The following THSD4 variants were observed in gnomAD, a reference collection of about 807,000 sequenced individuals.
THSD4 encodes the protein thrombospondin type 1 domain containing 4, also known as thrombospondin type-1 domain-containing protein 4.
THSD4 carries 69 observed loss-of-function variants against 119.0 expected under a neutral mutation model. The ratio of observed to expected loss-of-function variants is 0.58; its 90% CI spans 0.48 to 0.71. THSD4 has a LOEUF of 0.71. Among genes scored for constraint, THSD4 ranks in the 30% least tolerant of loss-of-function variants. The pLI is 0.00. For synonymous variants in THSD4, 524 were observed against 540.4 expected (o/e 0.97, Z 0.42); for missense variants, 1,393 against 1,391.1 (o/e 1.00, Z -0.02).
chr15:71,675,804 G>A (rs1213711679), intron 8 of THSD4, among the ~76,000 whole-genome samples: 2 of 152,172 alleles, frequency 1.3e-5, no homozygotes, highest in Non-Finnish European at 2.9e-5. Flanking sequence ...CCTCACTTAT[G>A]ACCTTCCCTG....
chr15:71,476,189 G>A (rs2140653111), intron 7 of THSD4, among the ~76,000 whole-genome samples: 1 of 152,328 alleles, frequency 6.6e-6, no homozygotes, highest in Middle Eastern at 3.4e-3. Context: ...ATAATTGTTT[G>A]CCCCATCTCC....
intron 6 of THSD4, among the ~76,000 whole-genome samples, chr15:71,305,551 C>T (rs760732317): frequency 1.3e-5 from 2 of 152,192 alleles, no homozygotes; most frequent in Non-Finnish European, 2.9e-5. Context: ...TTATGACCTT[C>T]AACGGTATTC....
intron 3 of THSD4, among the ~76,000 whole-genome samples, chr15:71,197,230 C>A (rs1031486577): frequency 6.6e-6 from 1 of 152,206 alleles, no homozygotes; most frequent in Non-Finnish European, 1.5e-5. Flanking sequence ...ACACTCAGCA[C>A]AGTACCTAGA....
intron 6 of THSD4, among the ~76,000 whole-genome samples, chr15:71,386,859 C>G (rs1185295310): frequency 6.6e-6 from 1 of 152,132 alleles, no homozygotes. Flanking sequence ...CCAGTTGTTT[C>G]CTTGTTTTAG....
chr15:71,482,376 C>T lies in THSD4; in HGVS notation c.1152+70553C>T, dbSNP rs534912859. On this transcript the variant is annotated intron_variant, in intron 7 of 17. Coordinates refer to ENST00000261862, the MANE Select transcript of THSD4 (RefSeq NM_024817.3). Reference sequence around the variant, plus strand: ...CACGATCTCGGCTCACTGCAAGCTCCGCCTCCTGGGTTCACGCCATTCTCC... The same window carrying T: ...CACGATCTCGGCTCACTGCAAGCTCTGCCTCCTGGGTTCACGCCATTCTCC... Among the ~76,000 whole-genome samples the T allele has an allele frequency of 3.5e-4, 53 of 151,020 alleles. No homozygotes were observed. In the South Asian group the frequency reaches 3.6e-3, roughly 10 times the overall value.
At chr15:71,391,417 A>G (rs1373581888) in intron 6 of THSD4, among the ~76,000 whole-genome samples, 1 of 152,122 alleles carries the variant, frequency 6.6e-6, no homozygotes, top group African/African-American at 2.4e-5. Flanking sequence ...GCCTCAAGCG[A>G]TCCTCCTGCA....
intron 6 of THSD4, among the ~76,000 whole-genome samples, chr15:71,337,691 C>T (rs2045506187): frequency 6.6e-6 from 1 of 150,686 alleles, no homozygotes; most frequent in Non-Finnish European, 1.5e-5. Flanking sequence ...GCCCCTCAGC[C>T]AGGCTGGAAG....
intron 6 of THSD4, among the ~76,000 whole-genome samples, chr15:71,354,336 C>T (rs1365732840): frequency 6.6e-6 from 1 of 152,020 alleles, no homozygotes; most frequent in African/African-American, 2.4e-5. Context: ...AGGGGAGAGG[C>T]CAGGGAGCTC....
At chr15:71,642,683 A>G (rs2050885135) in intron 7 of THSD4, among the ~76,000 whole-genome samples, 1 of 152,162 alleles carries the variant, frequency 6.6e-6, no homozygotes, top group African/African-American at 2.4e-5. Flanking sequence ...CATCATTCTC[A>G]GTAAACTATC....
At chr15:71,633,276 T>C (rs1001408938) in intron 7 of THSD4, among the ~76,000 whole-genome samples, 4 of 141,270 alleles carry the variant, frequency 2.8e-5, no homozygotes, top group Admixed American at 7.1e-5. Context: ...TTTCTTTTTT[T>C]TTTTTTTTTT....
intron 3 of THSD4, among the ~76,000 whole-genome samples, chr15:71,214,008 T>C (rs1294192493): frequency 6.6e-6 from 1 of 150,678 alleles, no homozygotes; most frequent in Non-Finnish European, 1.5e-5. Context: ...TGGAGAACTT[T>C]TCTGTCTAGC....
At chr15:71,547,324 G>A (rs1409439410) in intron 7 of THSD4, 2 of 1,536,898 alleles carry the variant, frequency 1.3e-6, no homozygotes, top group Non-Finnish European at 1.8e-6. Flanking sequence ...TCCAGGGCTG[G>A]AATCCCGAGA....
chr15:71,463,091 T>G (rs1286833880), intron 7 of THSD4, among the ~76,000 whole-genome samples: 1 of 152,216 alleles, frequency 6.6e-6, no homozygotes, highest in Non-Finnish European at 1.5e-5. Context: ...AATCCTATAT[T>G]CATGTCGTTG....
At chr15:71,482,630 G>T (rs565041842) in intron 7 of THSD4, among the ~76,000 whole-genome samples, 1 of 149,618 alleles carries the variant, frequency 6.7e-6, no homozygotes, top group Non-Finnish European at 1.5e-5. Flanking sequence ...TTATTGCCCA[G>T]GCTGGAGTAC....
chr15:71,630,439 A>G (rs2050604001), intron 7 of THSD4, among the ~76,000 whole-genome samples: 1 of 152,180 alleles, frequency 6.6e-6, no homozygotes, highest in African/African-American at 2.4e-5. Flanking sequence ...TTTACCCCCA[A>G]TTTTGGGGTT....
chr15:71,293,726 C>T (rs1416194737), intron 6 of THSD4, among the ~76,000 whole-genome samples: 1 of 152,110 alleles, frequency 6.6e-6, no homozygotes, highest in South Asian at 2.1e-4. Flanking sequence ...TGGATATCTC[C>T]TCTCTTTTTG....
intron 11 of THSD4, among the ~76,000 whole-genome samples, chr15:71,742,577 G>C (rs755370101): frequency 8.5e-5 from 13 of 152,170 alleles, no homozygotes; most frequent in Non-Finnish European, 1.6e-4. Context: ...ATCTCGAATA[G>C]TTTTCCTGCT....
chr15:71,171,984 C>T (rs1443930828), intron 3 of THSD4, among the ~76,000 whole-genome samples: 1 of 152,040 alleles, frequency 6.6e-6, no homozygotes, highest in Non-Finnish European at 1.5e-5. Context: ...TCAAAGAAGC[C>T]ATCAAAGTGA....
chr15:71,359,937 T>C (rs1245406754), intron 6 of THSD4, among the ~76,000 whole-genome samples: 1 of 152,218 alleles, frequency 6.6e-6, no homozygotes, highest in Non-Finnish European at 1.5e-5. Flanking sequence ...CTGCTTCCTC[T>C]GTGTTTTAGC....
Sources: gnomAD v4.1 joint callset for allele counts (sites outside exome capture counted in the v4.1 genomes callset) on GRCh38, gnomAD v4.1.1 for gene constraint, MANE v1.5 for transcripts, NCBI Gene and HGNC (gene_info 2026-07-23, HGNC 2026-07-21) for gene names.